The following CFAP97D2 variants were observed in gnomAD, a reference collection of about 807,000 sequenced individuals.
CFAP97D2 encodes the protein uncharacterized protein CFAP97D2.
chr13:114,184,164 G>C (rs189774308), intron 1 of CFAP97D2, among the ~76,000 whole-genome samples: 2 of 152,100 alleles, frequency 1.3e-5, no homozygotes, highest in South Asian at 2.1e-4. Context: ...AAAACCAGCC[G>C]AACAGCCAAA....
intron 4 of CFAP97D2, among the ~76,000 whole-genome samples, chr13:114,218,676 G>A (rs1205304160): frequency 1.3e-5 from 2 of 152,144 alleles, no homozygotes; most frequent in African/African-American, 4.8e-5. Context: ...TACCAAAACA[G>A]AGATATAGAC....
At chr13:114,210,525 G>C (rs1054584772) in intron 3 of CFAP97D2, among the ~76,000 whole-genome samples, 1 of 152,030 alleles carries the variant, frequency 6.6e-6, no homozygotes, top group Admixed American at 6.5e-5. Context: ...CTGACTTTCT[G>C]CACTTCCTAC....
chr13:114,209,409 G>A (rs2080956609), intron 3 of CFAP97D2, among the ~76,000 whole-genome samples: 1 of 152,234 alleles, frequency 6.6e-6, no homozygotes, highest in Admixed American at 6.5e-5. Context: ...TAACAAAGGT[G>A]TCAGTTAAAA....
At chr13:114,206,593 C>T (rs368263294) in intron 3 of CFAP97D2, among the ~76,000 whole-genome samples, 103 of 152,278 alleles carry the variant, frequency 6.8e-4, no homozygotes, top group African/African-American at 2.3e-3. Flanking sequence ...ACATATTAGA[C>T]GATTCCACGT....
rs966125622 is a variant in CFAP97D2 at position 114,182,193 on chromosome 13, C to T, written c.90+2773C>T. Among the ~76,000 whole-genome samples, 5 of 141,676 alleles carry T rather than the reference C, an allele frequency of 3.5e-5. 1 individual carries two copies. The highest frequency in any genetic ancestry group is 6.9e-5 in the Admixed American group (1 of 14,398). The allele number at this position is 141,676 out of a possible 152,430, so 92.9% of individuals were successfully genotyped here. ...AAAACGTGAGCAAAAGAGTCTATGT[C>T]GTAATTAAGTTCAAGGGAAGGTACT... is the stretch of plus-strand genomic sequence containing the variant. On this transcript the variant is annotated intron_variant, in intron 1 of 4. Coordinates refer to ENST00000646158, the Ensembl canonical transcript of CFAP97D2.
rs2080860433 is a variant in CFAP97D2, at chr13:114,189,045, C to T, written c.91-7351C>T. Reference sequence around the variant, plus strand: ...ATTAGTAATATTATTACTTATATTACTAGTATATATGTAATAATATAACTA... The same window carrying T: ...ATTAGTAATATTATTACTTATATTATTAGTATATATGTAATAATATAACTA... On this transcript the variant is annotated intron_variant, in intron 1 of 4. Coordinates refer to ENST00000646158, the Ensembl canonical transcript of CFAP97D2. The surrounding 1 kb of genome is among the most constrained non-coding windows in gnomAD (Gnocchi z 4.5). 2.7e-5 allele frequency among the ~76,000 whole-genome samples: 4 copies of T among 148,152 alleles called. No homozygotes were observed. In the South Asian group the frequency reaches 8.4e-4, roughly 31 times the overall value.
At chr13:114,214,005 C>G (rs1294006893) in intron 4 of CFAP97D2, 1 of 151,122 alleles carries the variant, frequency 6.6e-6, no homozygotes, top group East Asian at 1.9e-4. Context: ...GACCACAGAC[C>G]CCACCCGTGT....
At chr13:114,201,889 TG>T (rs2080919425) in intron 3 of CFAP97D2, among the ~76,000 whole-genome samples, 1 of 152,232 alleles carries the variant, frequency 6.6e-6, no homozygotes, top group Admixed American at 6.5e-5. Flanking sequence ...TTTATTCAGA[TG>T]TGATTGGCAT....
intron 4 of CFAP97D2, among the ~76,000 whole-genome samples, chr13:114,213,298 C>A (rs975728613): frequency 2.7e-5 from 4 of 149,446 alleles, no homozygotes; most frequent in African/African-American, 7.5e-5. Context: ...GAACCACAGA[C>A]CCCACCCCTG....
intron 2 of CFAP97D2, among the ~76,000 whole-genome samples, chr13:114,197,549 G>GT (rs977920388): frequency 6.2e-4 from 95 of 152,262 alleles, no homozygotes; most frequent in African/African-American, 2.2e-3. Flanking sequence ...TTTATTTGTG[G>GT]TTTACATGAC....
chr13:114,213,155 G>A (rs1035228584), intron 4 of CFAP97D2, among the ~76,000 whole-genome samples: 16 of 152,098 alleles, frequency 1.1e-4, no homozygotes, highest in East Asian at 1.9e-4. Context: ...ATATATAACC[G>A]TTATATTGTG....
intron 4 of CFAP97D2, among the ~76,000 whole-genome samples, chr13:114,218,272 C>G (rs1594523697): frequency 6.6e-6 from 1 of 152,204 alleles, no homozygotes; most frequent in African/African-American, 2.4e-5. Context: ...AACTCCCATT[C>G]ACAATTGCTT....
At position 114,186,078 on chromosome 13, in the gene CFAP97D2, A is replaced by G. The variant is rs574625525; in HGVS notation, c.90+6658A>G. Among the ~76,000 whole-genome samples the G allele has an allele frequency of 6.6e-6, 1 of 152,306 alleles. No individual in the cohort carries two copies. The highest frequency in any genetic ancestry group is 2.1e-4 in the South Asian group (1 of 4,824). On this transcript the variant is annotated intron_variant, in intron 1 of 4. Transcript: ENST00000646158. This position sits in a 1 kb window ranked among gnomAD's most constrained non-coding sequence, Gnocchi z 4.3. ...CACTTCCTCCACACTGAGGCCCATA[A>G]AAACCCTGGACTCAGCCAGACTCTA...
intron 3 of CFAP97D2, among the ~76,000 whole-genome samples, chr13:114,204,258 C>G (rs2080930130): frequency 6.6e-6 from 1 of 152,184 alleles, no homozygotes; most frequent in African/African-American, 2.4e-5. Context: ...AACACCAAAG[C>G]TACAGTGAGC....
intron 1 of CFAP97D2, among the ~76,000 whole-genome samples, chr13:114,188,402 A>C (rs2080858174): frequency 6.6e-6 from 1 of 152,206 alleles, no homozygotes; most frequent in Non-Finnish European, 1.5e-5. Flanking sequence ...CTGTGCTTCA[A>C]GGGAAATTTA....
chr13:114,196,700 C>T (rs1189375769), intron 2 of CFAP97D2, among the ~76,000 whole-genome samples: 1 of 152,196 alleles, frequency 6.6e-6, no homozygotes, highest in Non-Finnish European at 1.5e-5. Context: ...CAAAAATTAT[C>T]TGAGACAGGT....
chr13:114,213,119 G>T (rs2080975526), intron 4 of CFAP97D2, among the ~76,000 whole-genome samples: 1 of 152,148 alleles, frequency 6.6e-6, no homozygotes, highest in South Asian at 2.1e-4. Flanking sequence ...GAGTTTTAAA[G>T]ATCTTCCATC....
chr13:114,187,524 G>T lies in CFAP97D2; in HGVS notation c.90+8104G>T, dbSNP rs998191750. On this transcript the variant is annotated intron_variant, in intron 1 of 4. Transcript: ENST00000646158. The surrounding 1 kb of genome is among the most constrained non-coding windows in gnomAD (Gnocchi z 4.2). ...ACTTCAAAACAAGGAAAGTTAAAGG[G>T]AACGATAAAATGGGGTCGATTCTCC... is the stretch of plus-strand genomic sequence containing the variant. Among the ~76,000 whole-genome samples, 1 of 151,958 alleles carries T rather than the reference G, an allele frequency of 6.6e-6. No homozygotes were observed. The highest frequency in any genetic ancestry group is 2.4e-5 in the African/African-American group (1 of 41,336).
At chr13:114,220,820 G>A (rs1223852619) in intron 4 of CFAP97D2, among the ~76,000 whole-genome samples, 1 of 152,216 alleles carries the variant, frequency 6.6e-6, no homozygotes, top group African/African-American at 2.4e-5. Context: ...GAGCTCCTTG[G>A]CCTCCAACCA....
Sources: gnomAD v4.1 joint callset for allele counts (sites outside exome capture counted in the v4.1 genomes callset) on GRCh38, gnomAD v4.1.1 for gene constraint, Gnocchi (gnomAD v3.1) non-coding constraint, MANE v1.5 for transcripts, NCBI Gene and HGNC (gene_info 2026-07-23, HGNC 2026-07-21) for gene names.